Variants in MECOM observed in about 807,000 individuals in gnomAD.
The protein encoded by MECOM is histone-lysine N-methyltransferase MECOM.
A neutral mutation model predicts 116.3 loss-of-function variants in MECOM; 13 were observed. The ratio of observed to expected loss-of-function variants is 0.11; its 90% CI spans 0.07 to 0.18. The LOEUF (loss-of-function observed/expected upper bound fraction) is 0.18. Among genes scored for constraint, MECOM ranks in the 10% least tolerant of loss-of-function variants. MECOM has a pLI of 1.00. For synonymous variants in MECOM, 528 were observed against 535.2 expected, an observed-to-expected ratio of 0.99 and a Z score of 0.19; for missense variants, 1,299 against 1,509.0, an observed-to-expected ratio of 0.86 and a Z score of 2.31.
At chr3:169,632,720 T>C (rs574880299) in intron 1 of MECOM, among the ~76,000 whole-genome samples, 1 of 152,342 alleles carries the variant, frequency 6.6e-6, no homozygotes, top group East Asian at 1.9e-4. Context: ...TTAAATATTA[T>C]GTCCCTCAAA....
At chr3:169,418,102 T>C (rs1450632399) in intron 1 of MECOM, among the ~76,000 whole-genome samples, 2 of 124,286 alleles carry the variant, frequency 1.6e-5, no homozygotes, top group Admixed American at 1.6e-4. Flanking sequence ...AAACTTAAAG[T>C]ATAATAATAA....
At chr3:169,134,391 A>G (rs957456384) in intron 3 of MECOM, among the ~76,000 whole-genome samples, 7 of 152,170 alleles carry the variant, frequency 4.6e-5, no homozygotes, top group Admixed American at 4.6e-4. Flanking sequence ...TATTTACTGG[A>G]GGTAAAAGGT....
chr3:169,295,279 A>T (rs1432448594), intron 2 of MECOM, among the ~76,000 whole-genome samples: 3 of 152,116 alleles, frequency 2.0e-5, no homozygotes, highest in Non-Finnish European at 2.9e-5. Flanking sequence ...TAAAAGGGTT[A>T]AAAAAAGTTA....
chr3:169,485,886 T>C (rs1752107337), intron 1 of MECOM, among the ~76,000 whole-genome samples: 1 of 117,858 alleles, frequency 8.5e-6, no homozygotes, highest in Non-Finnish European at 1.8e-5. Flanking sequence ...TATATATATG[T>C]ATATATAGTA....
intron 1 of MECOM, among the ~76,000 whole-genome samples, chr3:169,639,616 T>C (rs948535485): frequency 4.6e-5 from 7 of 152,224 alleles, no homozygotes; most frequent in African/African-American, 1.7e-4. Flanking sequence ...AATTTGGTTT[T>C]CTTTATTAAT....
At chr3:169,126,515 T>C (rs185346024) in intron 5 of MECOM, among the ~76,000 whole-genome samples, 12 of 152,226 alleles carry the variant, frequency 7.9e-5, no homozygotes, top group Admixed American at 7.2e-4. Flanking sequence ...ATCCACACTT[T>C]ACTAAACATA....
At chr3:169,267,657 G>A (rs1482513740) in intron 2 of MECOM, among the ~76,000 whole-genome samples, 1 of 152,136 alleles carries the variant, frequency 6.6e-6, no homozygotes, top group Non-Finnish European at 1.5e-5. Context: ...ACATTTGACT[G>A]GAAAAGGGCC....
chr3:169,606,005 G>A (rs1159143365), intron 1 of MECOM, among the ~76,000 whole-genome samples: 1 of 152,184 alleles, frequency 6.6e-6, no homozygotes, highest in East Asian at 1.9e-4. Context: ...GCAGGTGAAA[G>A]TTGACTGGTA....
intron 1 of MECOM, among the ~76,000 whole-genome samples, chr3:169,419,264 A>T (rs1415895297): frequency 6.6e-6 from 1 of 152,196 alleles, no homozygotes; most frequent in African/African-American, 2.4e-5. Context: ...CAAATGGAAA[A>T]ATATTCCGTG....
chr3:169,523,007 A>C (rs1757533479), intron 1 of MECOM, among the ~76,000 whole-genome samples: 1 of 152,254 alleles, frequency 6.6e-6, no homozygotes, highest in Non-Finnish European at 1.5e-5. Context: ...TCAGGAGACG[A>C]GTATGACATC....
intron 2 of MECOM, among the ~76,000 whole-genome samples, chr3:169,184,363 T>C (rs889587183): frequency 6.6e-6 from 1 of 152,056 alleles, no homozygotes; most frequent in African/African-American, 2.4e-5. Context: ...AGGAGCACAA[T>C]GCTTTCAGGA....
At chr3:169,223,479 G>A (rs1009273981) in intron 2 of MECOM, among the ~76,000 whole-genome samples, 2 of 151,490 alleles carry the variant, frequency 1.3e-5, no homozygotes, top group African/African-American at 4.9e-5. Flanking sequence ...CCTTTTTTAT[G>A]GCTGCATAGT....
At chr3:169,152,160 C>A (rs182084889) in intron 2 of MECOM, among the ~76,000 whole-genome samples, 1 of 152,044 alleles carries the variant, frequency 6.6e-6, no homozygotes, top group South Asian at 2.1e-4. Flanking sequence ...TGTGACTGTC[C>A]GTAGCCCCAC....
chr3:169,475,114 T>C (rs747873650), intron 1 of MECOM, among the ~76,000 whole-genome samples: 5 of 152,192 alleles, frequency 3.3e-5, no homozygotes, highest in Non-Finnish European at 7.3e-5. Flanking sequence ...GTCCATGTAT[T>C]TATTGGTAAC....
At chr3:169,459,762 A>C (rs1413320743) in intron 1 of MECOM, among the ~76,000 whole-genome samples, 1 of 75,234 alleles carries the variant, frequency 1.3e-5, no homozygotes, top group Non-Finnish European at 2.4e-5. Context: ...AACCTGTTTC[A>C]GGTGTATAAG....
intron 1 of MECOM, among the ~76,000 whole-genome samples, chr3:169,620,199 T>C (rs558114495): frequency 3.9e-5 from 6 of 152,322 alleles, no homozygotes; most frequent in African/African-American, 1.4e-4. Flanking sequence ...TACTCCCCTG[T>C]GTTCATCTTA....
chr3:169,470,427 T>TA (rs1200929269), intron 1 of MECOM, among the ~76,000 whole-genome samples: 4 of 152,104 alleles, frequency 2.6e-5, no homozygotes, highest in African/African-American at 9.7e-5. Flanking sequence ...CACACTCAGA[T>TA]CATTGGAGGT....
Position 169,102,144 on chromosome 3 carries a change from A to C in MECOM, c.2687T>G (p.Val896Gly), listed in dbSNP as rs1198991847. 6.2e-7 allele frequency: 1 copy of C among 1,613,854 alleles called. No individual in the cohort carries two copies. Among genetic ancestry groups the C allele is most frequent in the Non-Finnish European group, 8.5e-7 (1 of 1,179,912 alleles). The change falls in exon 11 of 17, where the codon GTG (valine) becomes GGG (glycine). Residue 896 changes from valine to glycine, a missense_variant. Physicochemically the swap from Val to Gly is moderately radical, Grantham distance 109. Around this residue, in one of 6 missense-constraint regions of MECOM, gnomAD observed 340 missense variants for 312.6 expected, o/e 1.09. Transcript: ENST00000651503. Reference sequence around the variant, plus strand: ...CGCCCTGAAGTTGAACATAGAGGGCACTGACTGTAAGAGCTCACTGGCCTC... The same window carrying C: ...CGCCCTGAAGTTGAACATAGAGGGCCCTGACTGTAAGAGCTCACTGGCCTC... Reference protein sequence around the residue: ...KPEASELLQSVPSMFNFRAPP... With the variant: ...KPEASELLQSGPSMFNFRAPP...
intron 2 of MECOM, among the ~76,000 whole-genome samples, chr3:169,281,682 T>G (rs973997793): frequency 6.6e-6 from 1 of 152,004 alleles, no homozygotes; most frequent in East Asian, 1.9e-4. Context: ...TGTGGTGGCA[T>G]GTACCTGCAG....
Sources: allele counts gnomAD v4.1 joint callset (sites outside exome capture counted in the v4.1 genomes callset), GRCh38; gene constraint gnomAD v4.1.1; regional missense constraint gnomAD v4.1.1; transcripts MANE v1.5; gene names NCBI Gene and HGNC (gene_info 2026-07-23, HGNC 2026-07-21).